The following BFSP2 variants were observed in gnomAD, a reference collection of about 807,000 sequenced individuals.
BFSP2 encodes phakinin.
A neutral mutation model predicts 44.9 loss-of-function variants in BFSP2; 38 were observed. The observed-to-expected ratio is 0.85, with a 90% CI of 0.65 to 1.11. The LOEUF (loss-of-function observed/expected upper bound fraction) is 1.11. Among genes scored for constraint, BFSP2 ranks in the 50% least tolerant of loss-of-function variants. The pLI is 0.00. For missense variants in BFSP2, 525 were observed against 533.0 expected (o/e 0.99, Z 0.15); for synonymous variants, 197 against 209.9 (o/e 0.94, Z 0.53).
intron 4 of BFSP2, among the ~76,000 whole-genome samples, chr3:133,464,752 T>C (rs1576597144): frequency 1.3e-5 from 2 of 152,300 alleles, no homozygotes; most frequent in East Asian, 3.9e-4. Context: ...GGAGTCATTA[T>C]ATGATAATGA....
intron 1 of BFSP2, among the ~76,000 whole-genome samples, chr3:133,433,104 C>T (rs957094133): frequency 6.6e-6 from 1 of 152,202 alleles, no homozygotes; most frequent in Non-Finnish European, 1.5e-5. Context: ...TTAAGTCCCA[C>T]AATTACTATT....
In BFSP2 at chr3:133,448,540, T is replaced by C; in HGVS notation, c.624T>C (p.Ser208=). The C allele has an allele frequency of 1.2e-6, 2 of 1,614,106 alleles. No individual in the cohort carries two copies. Among genetic ancestry groups the C allele is most frequent in the Non-Finnish European group, 1.7e-6 (2 of 1,180,014 alleles). ...FRKAAEEEIN[S]LYKVIDEANL... is the part of the protein sequence containing the mutation. Reference sequence around the variant, plus strand: ...AGGCGGCAGAAGAGGAAATTAACTCTCTGTATAAAGTCATTGATGAGGCTA... The same window carrying C: ...AGGCGGCAGAAGAGGAAATTAACTCCCTGTATAAAGTCATTGATGAGGCTA... Residue 208 remains serine, a synonymous_variant, in exon 3 of 7, where the codon TCT becomes TCC. Transcript: ENST00000302334.
chr3:133,447,994 C>A (rs2073919382), intron 2 of BFSP2, among the ~76,000 whole-genome samples: 1 of 152,238 alleles, frequency 6.6e-6, no homozygotes, highest in Non-Finnish European at 1.5e-5. Context: ...CTCAGCTACA[C>A]CTCCCACTCA....
chr3:133,429,964 T>C (rs2073694894), intron 1 of BFSP2, among the ~76,000 whole-genome samples: 1 of 150,698 alleles, frequency 6.6e-6, no homozygotes, highest in African/African-American at 2.5e-5. Flanking sequence ...GTCCATGTGT[T>C]CTCATTGTTC....
intron 4 of BFSP2, among the ~76,000 whole-genome samples, chr3:133,452,554 C>T (rs2073975485): frequency 6.6e-6 from 1 of 152,114 alleles, no homozygotes; most frequent in Non-Finnish European, 1.5e-5. Context: ...AGACTCATGA[C>T]AGATAACAGA....
intron 4 of BFSP2, among the ~76,000 whole-genome samples, chr3:133,452,402 T>A (rs1388979512): frequency 6.6e-6 from 1 of 152,200 alleles, no homozygotes; most frequent in Admixed American, 6.5e-5. Context: ...GCCAGGTCAC[T>A]ACAAACACTT....
At chr3:133,401,018 A>G (rs1420548542) in intron 1 of BFSP2, among the ~76,000 whole-genome samples, 1 of 152,156 alleles carries the variant, frequency 6.6e-6, no homozygotes, top group Admixed American at 6.5e-5. Flanking sequence ...CCAATCAAAT[A>G]CCATTGGATG....
chr3:133,424,750 C>T lies in BFSP2; in HGVS notation c.490-22567C>T, dbSNP rs1022396585. On this transcript the variant is annotated intron_variant, in intron 1 of 6. Coordinates refer to ENST00000302334, the MANE Select transcript of BFSP2 (RefSeq NM_003571.4). The stretch of plus-strand genomic sequence containing the variant: ...TCCTGGATTCAAGCAATTCTCATGC[C>T]TCAGCCTCTCAAGTAGCAGGGATTA... 5.3e-5 allele frequency among the ~76,000 whole-genome samples: 8 copies of T among 152,310 alleles called. No homozygotes were observed. The South Asian group carries it at 1.7e-3, about 32-fold the overall frequency.
intron 6 of BFSP2, among the ~76,000 whole-genome samples, chr3:133,473,201 A>G (rs887850215): frequency 2.0e-5 from 3 of 151,798 alleles, no homozygotes; most frequent in Non-Finnish European, 4.4e-5. Flanking sequence ...TGCTCCACAG[A>G]CTACACTCTG....
intron 4 of BFSP2, among the ~76,000 whole-genome samples, chr3:133,463,600 G>C (rs1037475245): frequency 2.0e-5 from 3 of 152,102 alleles, no homozygotes; most frequent in Non-Finnish European, 1.5e-5. Context: ...CCAGCTAAAT[G>C]CCCCTAGGAG....
chr3:133,442,130 T>C (rs1235464656), intron 1 of BFSP2, among the ~76,000 whole-genome samples: 1 of 151,946 alleles, frequency 6.6e-6, no homozygotes, highest in Non-Finnish European at 1.5e-5. Flanking sequence ...TTTTGTTTTG[T>C]TTTGTGTGTT....
In BFSP2 at chr3:133,466,825, C is replaced by G. The variant is rs754118418; in HGVS notation, c.892-3C>G. 6.2e-7 allele frequency: 1 copy of G among 1,613,478 alleles called. No individual in the cohort carries two copies. The highest frequency in any genetic ancestry group is 8.5e-7 in the Non-Finnish European group (1 of 1,179,956). On this transcript the variant is annotated splice_region_variant and splice_polypyrimidine_tract_variant and intron_variant, in intron 4 of 6. Transcript: ENST00000302334. ...GCTCACACTGAGACCTGACTCTCCA[C>G]AGCAACAGGCGGAGGTGGCCCACAT...
At chr3:133,405,762 A>G (rs1021166927) in intron 1 of BFSP2, among the ~76,000 whole-genome samples, 1 of 152,198 alleles carries the variant, frequency 6.6e-6, no homozygotes, top group African/African-American at 2.4e-5. Context: ...CAGCCAAGCT[A>G]TAAGGGACAC....
In BFSP2 at chr3:133,433,070, A is replaced by T. The variant is rs565819073; in HGVS notation, c.490-14247A>T. ...ACACATATACTTTCTGCTCCCCGGCACCTTCAGCTGTACTCACTCTTTGTT... is the reference window on the plus strand; with the variant it reads ...ACACATATACTTTCTGCTCCCCGGCTCCTTCAGCTGTACTCACTCTTTGTT... On this transcript the variant is annotated intron_variant, in intron 1 of 6. Transcript: ENST00000302334. Among the ~76,000 whole-genome samples, 20 of 152,210 alleles carry T rather than the reference A, an allele frequency of 1.3e-4. No individual in the cohort carries two copies. In the East Asian group the frequency reaches 3.7e-3, roughly 28 times the overall value.
At chr3:133,403,245 T>C (rs1199755915) in intron 1 of BFSP2, among the ~76,000 whole-genome samples, 2 of 152,014 alleles carry the variant, frequency 1.3e-5, no homozygotes, top group African/African-American at 4.8e-5. Flanking sequence ...TGCCCTCACT[T>C]AGGCCACTCT....
intron 2 of BFSP2, among the ~76,000 whole-genome samples, chr3:133,447,645 A>T (rs989935522): frequency 6.6e-6 from 1 of 152,114 alleles, no homozygotes; most frequent in African/African-American, 2.4e-5. Flanking sequence ...AATGCTCAGA[A>T]TCACCCAGGG....
intron 1 of BFSP2, among the ~76,000 whole-genome samples, chr3:133,431,410 C>T (rs2073716403): frequency 1.3e-5 from 2 of 152,174 alleles, no homozygotes; most frequent in African/African-American, 4.8e-5. Context: ...GCTTCAAGTG[C>T]CAGAAATCTG....
chr3:133,458,272 C>T (rs994774788), intron 4 of BFSP2, among the ~76,000 whole-genome samples: 1 of 152,136 alleles, frequency 6.6e-6, no homozygotes, highest in Non-Finnish European at 1.5e-5. Flanking sequence ...GTAGCATATA[C>T]CAGTTGGTGC....
chr3:133,473,413 G>A (rs902079550), intron 6 of BFSP2, among the ~76,000 whole-genome samples: 5 of 143,590 alleles, frequency 3.5e-5, no homozygotes, highest in African/African-American at 1.0e-4. Context: ...ATTCCTGGCC[G>A]GAAGTGGGAG....
Sources: gnomAD v4.1 joint callset for allele counts (sites outside exome capture counted in the v4.1 genomes callset) on GRCh38, gnomAD v4.1.1 for gene constraint, MANE v1.5 for transcripts, NCBI Gene and HGNC (gene_info 2026-07-23, HGNC 2026-07-21) for gene names.